NREP: variants seen among roughly 807,000 people sequenced by gnomAD.
NREP encodes neuronal regeneration related protein, also known as neuronal regeneration-related protein.
Under a neutral mutation model 8.6 loss-of-function variants are expected in NREP, and 5 were observed. The ratio of observed to expected loss-of-function variants is 0.58; its 90% CI spans 0.30 to 1.22. The LOEUF (loss-of-function observed/expected upper bound fraction) is 1.22. Among genes scored for constraint, NREP ranks in the 50% most tolerant of loss-of-function variants. The pLI, the probability that NREP is intolerant of heterozygous loss-of-function variation, is 0.07. For missense variants in NREP, 86 were observed against 82.5 expected, an observed-to-expected ratio of 1.04 and a Z score of -0.17; for synonymous variants, 27 against 28.0, an observed-to-expected ratio of 0.96 and a Z score of 0.11.
At chr5:111,781,817 G>T (rs1038902389) in intron 2 of NREP, among the ~76,000 whole-genome samples, 1 of 152,076 alleles carries the variant, frequency 6.6e-6, no homozygotes, top group East Asian at 1.9e-4. Context: ...AAGGCTATCG[G>T]GGCCAAGGGG....
intron 2 of NREP, among the ~76,000 whole-genome samples, chr5:111,849,092 C>A (rs574361599): frequency 6.6e-6 from 1 of 152,222 alleles, no homozygotes; most frequent in South Asian, 2.1e-4. Context: ...CTGAGCACTG[C>A]AAAGCAGATT....
chr5:111,915,948 CTTG>C (rs1230328140), intron 2 of NREP, among the ~76,000 whole-genome samples: 7 of 152,162 alleles, frequency 4.6e-5, no homozygotes, highest in Non-Finnish European at 1.0e-4. Flanking sequence ...CCACGATCAC[CTTG>C]TTGTGCAGCA....
At chr5:111,817,625 G>A (rs1581139008) in intron 2 of NREP, among the ~76,000 whole-genome samples, 1 of 151,920 alleles carries the variant, frequency 6.6e-6, no homozygotes, top group Non-Finnish European at 1.5e-5. Flanking sequence ...CTAACATGGT[G>A]AAACCTCGTC....
At chr5:111,871,099 T>G (rs1336849948) in intron 2 of NREP, among the ~76,000 whole-genome samples, 2 of 133,312 alleles carry the variant, frequency 1.5e-5, no homozygotes, top group East Asian at 2.6e-4. Flanking sequence ...TAGTCATGCA[T>G]TGCTTAACAG....
chr5:111,936,333 C>T (rs1458030854), intron 2 of NREP, among the ~76,000 whole-genome samples: 3 of 152,024 alleles, frequency 2.0e-5, no homozygotes, highest in South Asian at 2.1e-4. Flanking sequence ...GTGACAGTTC[C>T]TCCTTCACAC....
rs1754896514 is a variant in NREP, at chr5:111,910,956, G to A, written c.135+64318C>T. On this transcript the variant is annotated intron_variant, in intron 2 of 3. Transcript: ENST00000395634. ...AGCTTCAGAGAGGCATCACCTGGCA[G>A]AAGGCTCATACCTGGCAGAGAAGAG... is the stretch of plus-strand genomic sequence containing the variant. Among the ~76,000 whole-genome samples, 4 of 152,058 alleles carry A rather than the reference G, an allele frequency of 2.6e-5. No homozygotes were observed. In the South Asian group the frequency reaches 8.3e-4, roughly 32 times the overall value.
chr5:111,829,186 C>T (rs914880275), intron 2 of NREP, among the ~76,000 whole-genome samples: 1 of 152,070 alleles, frequency 6.6e-6, no homozygotes, highest in South Asian at 2.1e-4. Flanking sequence ...GCAAAGCAAA[C>T]CGTGTTCAAC....
At chr5:111,878,385 G>A (rs1471001277) in intron 2 of NREP, among the ~76,000 whole-genome samples, 2 of 152,150 alleles carry the variant, frequency 1.3e-5, no homozygotes, top group Admixed American at 1.3e-4. Flanking sequence ...GTGAGAGAGA[G>A]CAACAGGGTG....
intron 2 of NREP, among the ~76,000 whole-genome samples, chr5:111,906,689 G>T (rs1754786825): frequency 6.6e-6 from 1 of 151,962 alleles, no homozygotes; most frequent in African/African-American, 2.4e-5. Flanking sequence ...ACTTATTACA[G>T]CATTTTGGAT....
chr5:111,795,301 C>A (rs144229687), intron 2 of NREP, among the ~76,000 whole-genome samples: 1 of 152,306 alleles, frequency 6.6e-6, no homozygotes, highest in African/African-American at 2.4e-5. Context: ...CTGCTCCAGA[C>A]TGTGATTCCT....
rs534811604 is a variant in NREP, at chr5:111,956,330, G to A, written c.135+18944C>T. ...AAACAATAAGGGGATTTTAAAAGGT[G>A]TATATTTAAAGTCTTCAAAGACATG... On this transcript the variant is annotated intron_variant, in intron 2 of 3. Coordinates refer to the NREP transcript ENST00000395634. Among the ~76,000 whole-genome samples the A allele has an allele frequency of 2.4e-3, 370 of 152,154 alleles. 1 individual carries two copies. The highest frequency in any genetic ancestry group is 8.6e-3 in the African/African-American group (357 of 41,512).
chr5:111,780,892 A>T (rs1231557483), intron 2 of NREP, among the ~76,000 whole-genome samples: 1 of 151,342 alleles, frequency 6.6e-6, no homozygotes, highest in Non-Finnish European at 1.5e-5. Flanking sequence ...TCCTTCCCAC[A>T]TTTTTTTTAA....
At chr5:111,784,421 T>TG (rs1473207282) in intron 2 of NREP, among the ~76,000 whole-genome samples, 1 of 152,104 alleles carries the variant, frequency 6.6e-6, no homozygotes, top group Admixed American at 6.6e-5. Flanking sequence ...TTGCCTCATA[T>TG]GGGGGAAAAA....
intron 2 of NREP, among the ~76,000 whole-genome samples, chr5:111,927,501 C>T (rs1755422321): frequency 2.0e-5 from 3 of 152,158 alleles, no homozygotes; most frequent in Admixed American, 1.3e-4. Flanking sequence ...GGAGCCCAAA[C>T]CCACTATTCC....
chr5:111,800,450 C>T (rs191911307), intron 2 of NREP, among the ~76,000 whole-genome samples: 12 of 152,344 alleles, frequency 7.9e-5, no homozygotes, highest in Admixed American at 2.0e-4. Flanking sequence ...TAATGCTCTG[C>T]TGTTGCTTTC....
intron 2 of NREP, among the ~76,000 whole-genome samples, chr5:111,845,144 A>G (rs372974025): frequency 1.3e-5 from 2 of 152,226 alleles, no homozygotes; most frequent in East Asian, 1.9e-4. Flanking sequence ...CTAGGGTCTA[A>G]GGTGAATTTA....
At chr5:111,930,384 G>A (rs867690097) in intron 2 of NREP, among the ~76,000 whole-genome samples, 2 of 152,260 alleles carry the variant, frequency 1.3e-5, no homozygotes, top group East Asian at 3.9e-4. Context: ...TGAAAGTGGC[G>A]AATTTAGTTT....
At chr5:111,906,522 T>C (rs1412294779) in intron 2 of NREP, among the ~76,000 whole-genome samples, 1 of 152,134 alleles carries the variant, frequency 6.6e-6, no homozygotes, top group Non-Finnish European at 1.5e-5. Context: ...GCTTTAATGC[T>C]AGTGTACAAC....
rs532035684 is a variant in NREP, at chr5:111,860,447, A to G, written c.135+114827T>C. On this transcript the variant is annotated intron_variant, in intron 2 of 3. Transcript: ENST00000395634. ...ACCCAGGGTCTCATTCTTTCTCACT[A>G]TTCATTCCATTTGCACTTTATCCAT... Among the ~76,000 whole-genome samples the G allele has an allele frequency of 3.1e-4, 47 of 152,238 alleles. No homozygotes were observed. In the South Asian group the frequency reaches 9.5e-3, roughly 31 times the overall value.
Sources: allele counts gnomAD v4.1 joint callset (sites outside exome capture counted in the v4.1 genomes callset), GRCh38; gene constraint gnomAD v4.1.1; transcripts MANE v1.5; gene names NCBI Gene and HGNC (gene_info 2026-07-23, HGNC 2026-07-21).